The following MTA3 variants were observed in gnomAD, a reference collection of about 807,000 sequenced individuals.
MTA3 encodes metastasis-associated protein MTA3.
A neutral mutation model predicts 83.5 loss-of-function variants in MTA3; 34 were observed. The ratio of observed to expected loss-of-function variants is 0.41; its 90% CI spans 0.31 to 0.54. MTA3 has a LOEUF of 0.54. Among genes scored for constraint, MTA3 ranks in the 20% least tolerant of loss-of-function variants. MTA3 has a pLI of 0.33. For missense variants in MTA3, 761 were observed against 726.4 expected (o/e 1.05, Z -0.55); for synonymous variants, 303 against 252.7 (o/e 1.20, Z -1.89).
intron 8 of MTA3, among the ~76,000 whole-genome samples, chr2:42,661,674 A>C (rs1275232625): frequency 6.6e-6 from 1 of 152,142 alleles, no homozygotes; most frequent in Non-Finnish European, 1.5e-5. Context: ...CAGCAGCCAA[A>C]AAAAGCTTTG....
At chr2:42,741,605 A>C (rs563954538) in intron 16 of MTA3, among the ~76,000 whole-genome samples, 1 of 73,016 alleles carries the variant, frequency 1.4e-5, no homozygotes, top group Non-Finnish European at 2.4e-5. Context: ...AGAGATGCTC[A>C]AGGAGAGGGG....
chr2:42,749,881 T>G (rs1669739112), intron 16 of MTA3, among the ~76,000 whole-genome samples: 1 of 152,226 alleles, frequency 6.6e-6, no homozygotes, highest in Non-Finnish European at 1.5e-5. Flanking sequence ...TTCTATGTGC[T>G]TCCCCTCCTG....
At chr2:42,559,617 G>A (rs978428403) in intron 2 of MTA3, among the ~76,000 whole-genome samples, 5 of 151,676 alleles carry the variant, frequency 3.3e-5, no homozygotes, top group Admixed American at 1.3e-4. Flanking sequence ...AGTGGCTCAC[G>A]CCTGTAATCC....
chr2:42,684,677 A>G (rs1692219427), intron 9 of MTA3, among the ~76,000 whole-genome samples: 1 of 152,222 alleles, frequency 6.6e-6, no homozygotes, highest in African/African-American at 2.4e-5. Context: ...AGATAAATAA[A>G]ACCTGCAGAT....
chr2:42,738,868 A>C (rs1357639675), intron 16 of MTA3, among the ~76,000 whole-genome samples: 2 of 152,210 alleles, frequency 1.3e-5, no homozygotes, highest in Non-Finnish European at 2.9e-5. Flanking sequence ...TAGCGCTCCA[A>C]GGCTTATTAG....
intron 8 of MTA3, among the ~76,000 whole-genome samples, chr2:42,667,578 G>GTGTGTGTTTGTGTGTGTT (rs1690355375): frequency 7.7e-6 from 1 of 129,812 alleles, no homozygotes; most frequent in African/African-American, 2.9e-5. Flanking sequence ...AATTGTGTGT[G>GTGTGTGTTTGTGTGTGTT]TGTGTGTGTG....
At chr2:42,587,104 A>G (rs921578344) in intron 3 of MTA3, among the ~76,000 whole-genome samples, 1 of 152,262 alleles carries the variant, frequency 6.6e-6, no homozygotes, top group Admixed American at 6.5e-5. Flanking sequence ...GAGGCAGGAG[A>G]ATACCTTGAA....
At position 42,734,626 on chromosome 2, in the gene MTA3, C is replaced by T. The variant is rs548593547; in HGVS notation, c.1759+11591C>T. Among the ~76,000 whole-genome samples the T allele has an allele frequency of 2.6e-5, 4 of 152,006 alleles. No individual in the cohort carries two copies. In the East Asian group the frequency reaches 7.7e-4, roughly 29 times the overall value. On this transcript the variant is annotated intron_variant, in intron 16 of 16. Transcript: ENST00000405094. ...TCTCGTTATTTTGTGGTCTTCTCTT[C>T]CTTCTTCCTTCCTGTCTTCCTTTTA... is the stretch of plus-strand genomic sequence containing the variant.
intron 7 of MTA3, among the ~76,000 whole-genome samples, chr2:42,658,928 A>T (rs1689422968): frequency 6.9e-6 from 1 of 145,720 alleles, no homozygotes; most frequent in South Asian, 2.2e-4. Context: ...TTTTTTAATT[A>T]GCCAAAAAAA....
intron 2 of MTA3, among the ~76,000 whole-genome samples, chr2:42,558,903 A>G (rs750317984): frequency 9.2e-5 from 14 of 151,806 alleles, no homozygotes; most frequent in Non-Finnish European, 1.8e-4. Context: ...TAATTAAATC[A>G]GGATTTCTTG....
intron 16 of MTA3, among the ~76,000 whole-genome samples, chr2:42,740,321 G>A (rs1449273689): frequency 1.3e-5 from 2 of 152,218 alleles, no homozygotes; most frequent in African/African-American, 4.8e-5. Flanking sequence ...GACCAGCCGG[G>A]ACAACATAGC....
chr2:42,683,600 T>C (rs1329764013), intron 9 of MTA3, among the ~76,000 whole-genome samples: 1 of 152,122 alleles, frequency 6.6e-6, no homozygotes, highest in Non-Finnish European at 1.5e-5. Context: ...TCTGAGCTTG[T>C]TTTTCTGCAA....
chr2:42,616,116 A>G (rs977710313), intron 4 of MTA3, among the ~76,000 whole-genome samples: 1 of 151,084 alleles, frequency 6.6e-6, no homozygotes, highest in African/African-American at 2.4e-5. Context: ...GCTAGAGTGC[A>G]GTGGTGTGAT....
intron 2 of MTA3, among the ~76,000 whole-genome samples, chr2:42,528,673 G>A (rs991383700): frequency 6.6e-6 from 1 of 152,208 alleles, no homozygotes; most frequent in African/African-American, 2.4e-5. Context: ...AAAATTGCCT[G>A]CCCTTTCTGA....
intron 16 of MTA3, among the ~76,000 whole-genome samples, chr2:42,752,981 G>A (rs1007270487): frequency 4.7e-5 from 7 of 150,304 alleles, no homozygotes; most frequent in African/African-American, 7.4e-5. Context: ...CTGGAGTGCC[G>A]TGGTGCGACC....
intron 3 of MTA3, among the ~76,000 whole-genome samples, chr2:42,580,350 T>C (rs1679478727): frequency 6.6e-6 from 1 of 151,786 alleles, no homozygotes; most frequent in Non-Finnish European, 1.5e-5. Context: ...TTATTTTATT[T>C]AATTAATTTT....
chr2:42,745,997 A>G (rs1259357675), intron 16 of MTA3, among the ~76,000 whole-genome samples: 1 of 151,502 alleles, frequency 6.6e-6, no homozygotes. Context: ...TATTTTTAGT[A>G]GAGACGGGGT....
Position 42,682,313 on chromosome 2 carries a change from ACAT to A in MTA3, c.703-84_703-82del, listed in dbSNP as rs1048196485. On this transcript the variant is annotated intron_variant, in intron 8 of 16. Coordinates refer to ENST00000405094, the MANE Select transcript of MTA3 (RefSeq NM_001330442.2). Reference sequence around the variant, plus strand: ...TAAATAAGTATATTGTTAATTAAGTACATCATATATTTTAGTGTTTATATTCTT... The same window carrying A: ...TAAATAAGTATATTGTTAATTAAGTACATATATTTTAGTGTTTATATTCTT... 114 of 901,878 alleles carry A rather than the reference ACAT, an allele frequency of 1.3e-4. 1 individual carries two copies. The African/African-American group carries it at 1.7e-3, about 14-fold the overall frequency. The allele number at this position is 901,878 out of a possible 1,614,324, so 55.9% of individuals were successfully genotyped here. A position where few individuals can be genotyped will look rare whatever the true frequency, so the allele number is the denominator to read the frequency against.
intron 4 of MTA3, chr2:42,614,123 G>A (rs543293010): frequency 5.3e-5 from 8 of 152,064 alleles, no homozygotes; most frequent in African/African-American, 1.9e-4. Flanking sequence ...CTGAGACGGA[G>A]TTTTGCTCTT....
Sources: allele counts gnomAD v4.1 joint callset (sites outside exome capture counted in the v4.1 genomes callset), GRCh38; gene constraint gnomAD v4.1.1; transcripts MANE v1.5; gene names NCBI Gene and HGNC (gene_info 2026-07-23, HGNC 2026-07-21).